The following FGF14 variants were observed in gnomAD, a reference collection of about 807,000 sequenced individuals.
FGF14 encodes the protein fibroblast growth factor homologous factor 4.
In FGF14, 5 loss-of-function variants were observed where a neutral mutation model predicts 25.5. The observed-to-expected ratio is 0.20, with a 90% CI of 0.10 to 0.41. The LOEUF (loss-of-function observed/expected upper bound fraction) is 0.41. Among genes scored for constraint, FGF14 ranks in the 10% least tolerant of loss-of-function variants. The pLI is 1.00. For missense variants in FGF14, 222 were observed against 320.1 expected (o/e 0.69, Z 2.34); for synonymous variants, 138 against 118.3 (o/e 1.17, Z -1.08).
intron 1 of FGF14, among the ~76,000 whole-genome samples, chr13:102,304,778 T>G (rs1023005108): frequency 4.6e-5 from 7 of 152,110 alleles, no homozygotes; most frequent in Admixed American, 1.3e-4. Flanking sequence ...AGCACCAACT[T>G]GCTATCCAAA....
chr13:101,897,630 G>A (rs1178577724), intron 1 of FGF14, among the ~76,000 whole-genome samples: 1 of 152,120 alleles, frequency 6.6e-6, no homozygotes, highest in Non-Finnish European at 1.5e-5. Context: ...TTTCAGGTAA[G>A]CTCATAGGTT....
chr13:102,097,648 A>G (rs1036948614), intron 1 of FGF14, among the ~76,000 whole-genome samples: 1 of 152,174 alleles, frequency 6.6e-6, no homozygotes, highest in East Asian at 1.9e-4. Flanking sequence ...CTGGGGACAC[A>G]AAAACCCTCT....
At chr13:101,954,842 G>A (rs1307496916) in intron 1 of FGF14, among the ~76,000 whole-genome samples, 1 of 152,242 alleles carries the variant, frequency 6.6e-6, no homozygotes, top group Non-Finnish European at 1.5e-5. Flanking sequence ...ATCAGTATTG[G>A]AAGTGGCTGT....
chr13:101,716,711 G>A lies in FGF14; in HGVS notation c.*6120C>T, dbSNP rs529754599. 2.2e-4 allele frequency: 33 copies of A among 148,844 alleles called. 1 individual carries two copies. Among genetic ancestry groups the A allele is most frequent in the South Asian group, 1.1e-3 (5 of 4,752 alleles). 9.2% of individuals were successfully genotyped at this position (148,844 alleles called of 1,614,324 possible). A position where few individuals can be genotyped will look rare whatever the true frequency, so the allele number is the denominator to read the frequency against. ...TTTTCTAAGGATACCTTACTTACTG[G>A]AAACCTGGGGTCATGCAAAGAAGTC... On this transcript the variant is annotated 3_prime_UTR_variant, in exon 5 of 5. Transcript: ENST00000376143.
At chr13:101,848,829 T>C (rs1229491194) in intron 3 of FGF14, among the ~76,000 whole-genome samples, 1 of 151,994 alleles carries the variant, frequency 6.6e-6, no homozygotes, top group African/African-American at 2.4e-5. Flanking sequence ...TTCTGTAAGT[T>C]TGAAGATATA....
chr13:101,776,080 G>A (rs2039084585), intron 3 of FGF14, among the ~76,000 whole-genome samples: 1 of 152,050 alleles, frequency 6.6e-6, no homozygotes, highest in African/African-American at 2.4e-5. Flanking sequence ...GTGCGCTTAC[G>A]AGTTCCATTA....
At chr13:101,850,488 A>C (rs1254525929) in intron 3 of FGF14, among the ~76,000 whole-genome samples, 1 of 752 alleles carries the variant, frequency 1.3e-3, no homozygotes, top group African/African-American at 5.1e-3. Flanking sequence ...ATATATATAT[A>C]TATATATATA....
At chr13:101,840,859 C>T (rs1037099769) in intron 3 of FGF14, among the ~76,000 whole-genome samples, 6 of 151,864 alleles carry the variant, frequency 4.0e-5, no homozygotes, top group African/African-American at 1.2e-4. Context: ...TAACTGAGTT[C>T]AGTAGTTTTA....
At chr13:101,882,062 A>G (rs1365026939) in intron 1 of FGF14, among the ~76,000 whole-genome samples, 1 of 151,764 alleles carries the variant, frequency 6.6e-6, no homozygotes, top group African/African-American at 2.4e-5. Context: ...TGTTATCTAA[A>G]TACTATTCTT....
At chr13:102,094,590 C>T in intron 1 of FGF14, among the ~76,000 whole-genome samples, 1 of 152,122 alleles carries the variant, frequency 6.6e-6, no homozygotes, top group Non-Finnish European at 1.5e-5. Context: ...TAGGTTACCC[C>T]TACTGTTTTG....
chr13:101,972,215 C>T (rs1292948448), intron 1 of FGF14, among the ~76,000 whole-genome samples: 1 of 152,186 alleles, frequency 6.6e-6, no homozygotes, highest in African/African-American at 2.4e-5. Flanking sequence ...GAGGACAGCA[C>T]GTAGCTCATT....
chr13:102,401,478 G>A, exon 1 of FGF14: 1 of 1,614,038 alleles, frequency 6.2e-7, no homozygotes, highest in Non-Finnish European at 8.5e-7. Context: ...TACCAGTTGG[G>A]TTCTTGTTTT....
intron 3 of FGF14, among the ~76,000 whole-genome samples, chr13:101,795,601 T>C (rs1323953738): frequency 6.6e-6 from 1 of 151,914 alleles, no homozygotes; most frequent in Non-Finnish European, 1.5e-5. Context: ...TCCTGAACCA[T>C]CAGAAGTAGA....
intron 3 of FGF14, among the ~76,000 whole-genome samples, chr13:101,760,915 A>C (rs956237906): frequency 6.6e-6 from 1 of 152,212 alleles, no homozygotes; most frequent in Non-Finnish European, 1.5e-5. Flanking sequence ...AAATATTCAA[A>C]GTCAGCAGGC....
At chr13:101,929,847 A>C (rs1012361924) in intron 1 of FGF14, among the ~76,000 whole-genome samples, 4 of 152,304 alleles carry the variant, frequency 2.6e-5, no homozygotes, top group African/African-American at 9.6e-5. Flanking sequence ...TATTCTTTGC[A>C]CTTTTCCCTG....
In FGF14 at chr13:101,938,886, G is replaced by T. The variant is rs183484652; in HGVS notation, c.209-63590C>A. ...TAAGATAACTTCATTAAGGAGAGTA[G>T]TTCTTCACTGAGGGCATTTTTGCCC... On this transcript the variant is annotated intron_variant, in intron 1 of 4. Coordinates refer to the FGF14 transcript ENST00000376131. 1.9e-4 allele frequency among the ~76,000 whole-genome samples: 29 copies of T among 152,300 alleles called. No homozygotes were observed. The East Asian group carries it at 5.0e-3, about 26-fold the overall frequency.
chr13:102,009,873 G>A (rs1363408516), intron 1 of FGF14, among the ~76,000 whole-genome samples: 1 of 152,064 alleles, frequency 6.6e-6, no homozygotes, highest in Non-Finnish European at 1.5e-5. Context: ...GAGGTTATTA[G>A]TGAAGCCTTC....
chr13:102,161,656 A>T (rs1481150031), intron 1 of FGF14, among the ~76,000 whole-genome samples: 857 of 26,234 alleles, frequency 0.033, 78 homozygotes, highest in East Asian at 0.15. Flanking sequence ...GAAGAAGAAG[A>T]AGAAGAAGAA....
chr13:101,818,402 T>C (rs560783162), intron 3 of FGF14, among the ~76,000 whole-genome samples: 2 of 152,332 alleles, frequency 1.3e-5, no homozygotes, highest in South Asian at 4.1e-4. Flanking sequence ...CCATGTAGGA[T>C]ATTTTGGGTA....
Sources: allele counts gnomAD v4.1 joint callset (sites outside exome capture counted in the v4.1 genomes callset), GRCh38; gene constraint gnomAD v4.1.1; transcripts MANE v1.5; gene names NCBI Gene and HGNC (gene_info 2026-07-23, HGNC 2026-07-21).